The following LRP1B variants were observed in gnomAD, a reference collection of about 807,000 sequenced individuals.
LRP1B encodes LDL receptor related protein 1B, also known as low-density lipoprotein receptor-related protein 1B.
A neutral mutation model predicts 556.6 loss-of-function variants in LRP1B; 217 were observed. The observed-to-expected ratio is 0.39, with a 90% CI of 0.35 to 0.44. LRP1B has a LOEUF of 0.44. LRP1B is among the 20% of genes least tolerant of loss of function. The probability of loss-of-function intolerance (pLI) is 1.00; values close to 1 mark genes in which losing one functional copy is unlikely to be tolerated. For missense variants in LRP1B, 5,053 were observed against 5,620.8 expected, an observed-to-expected ratio of 0.90 and a Z score of 3.23; for synonymous variants, 2,047 against 1,865.8, an observed-to-expected ratio of 1.10 and a Z score of -2.50.
In LRP1B at chr2:140,534,052, G is replaced by A. The variant is rs556561784; in HGVS notation, c.7731C>T (p.Cys2577=). ...HGKLCDGEND[C]GDNSDELDCK... is the part of the protein sequence containing the mutation. ...AATCTAATTCATCAGAGTTGTCTCCGCAGTCATTTTCTCCATCACATAACT... is the reference window on the plus strand; with the variant it reads ...AATCTAATTCATCAGAGTTGTCTCCACAGTCATTTTCTCCATCACATAACT... Residue 2577 remains cysteine (C), a synonymous_variant, in exon 47 of 91, where the codon TGC becomes TGT. Transcript: ENST00000389484. 3.5e-5 allele frequency: 56 copies of A among 1,613,388 alleles called. No individual in the cohort carries two copies. The highest frequency in any genetic ancestry group is 1.6e-4 in the East Asian group (7 of 44,842).
intron 77 of LRP1B, among the ~76,000 whole-genome samples, chr2:140,339,795 A>G (rs1476935127): frequency 2.0e-5 from 3 of 151,632 alleles, no homozygotes; most frequent in Non-Finnish European, 4.4e-5. Context: ...AGAAATCCTA[A>G]GTGAACTAAG....
At chr2:141,287,981 T>C (rs1240285324) in intron 3 of LRP1B, among the ~76,000 whole-genome samples, 1 of 152,172 alleles carries the variant, frequency 6.6e-6, no homozygotes, top group African/African-American at 2.4e-5. Flanking sequence ...TGTGTTTATA[T>C]GTATGTGTGG....
intron 84 of LRP1B, among the ~76,000 whole-genome samples, chr2:140,279,216 T>A (rs540008980): frequency 6.6e-6 from 1 of 152,134 alleles, no homozygotes; most frequent in East Asian, 1.9e-4. Context: ...ATATTTTAGC[T>A]ACGATGCAAT....
chr2:141,007,932 C>A (rs1476163343), intron 14 of LRP1B, among the ~76,000 whole-genome samples: 1 of 151,488 alleles, frequency 6.6e-6, no homozygotes, highest in Non-Finnish European at 1.5e-5. Context: ...TTTGTTCTGT[C>A]ATAATAGAAA....
intron 3 of LRP1B, among the ~76,000 whole-genome samples, chr2:141,353,554 G>A (rs571876504): frequency 8.6e-5 from 13 of 151,884 alleles, no homozygotes; most frequent in South Asian, 2.1e-4. Flanking sequence ...TTGCAAATAC[G>A]TTTTGATCTA....
At chr2:140,337,597 T>A (rs16843799) in intron 77 of LRP1B, among the ~76,000 whole-genome samples, 3 of 151,822 alleles carry the variant, frequency 2.0e-5, no homozygotes, top group African/African-American at 7.2e-5. Flanking sequence ...ATGGGAAAAA[T>A]CACCATTATA....
chr2:141,704,290 G>C (rs1692059706), intron 2 of LRP1B, among the ~76,000 whole-genome samples: 1 of 151,788 alleles, frequency 6.6e-6, no homozygotes, highest in African/African-American at 2.4e-5. Flanking sequence ...ATTCAAAATG[G>C]TATCAGTTAA....
intron 3 of LRP1B, among the ~76,000 whole-genome samples, chr2:141,273,330 C>T (rs940486710): frequency 1.3e-5 from 2 of 150,974 alleles, no homozygotes; most frequent in African/African-American, 4.9e-5. Flanking sequence ...GGAAGAAAAA[C>T]GTACTACAAA....
At chr2:141,033,144 G>A (rs1437399680) in intron 11 of LRP1B, among the ~76,000 whole-genome samples, 3 of 151,888 alleles carry the variant, frequency 2.0e-5, no homozygotes, top group Non-Finnish European at 2.9e-5. Flanking sequence ...AGGCCCTGAG[G>A]TGGCAAGAGG....
chr2:141,405,542 G>A (rs569358176), intron 3 of LRP1B, among the ~76,000 whole-genome samples: 11 of 152,152 alleles, frequency 7.2e-5, no homozygotes, highest in African/African-American at 2.6e-4. Flanking sequence ...TTTGTAGTCT[G>A]GGTACAAATT....
chr2:140,749,695 C>T (rs556338030), intron 35 of LRP1B, among the ~76,000 whole-genome samples: 44 of 152,236 alleles, frequency 2.9e-4, no homozygotes, highest in African/African-American at 1.0e-3. Flanking sequence ...TCTGGAATAC[C>T]TCCTGAAGGA....
At chr2:140,651,014 C>G (rs917709186) in intron 41 of LRP1B, among the ~76,000 whole-genome samples, 2 of 152,016 alleles carry the variant, frequency 1.3e-5, no homozygotes, top group African/African-American at 4.8e-5. Context: ...TCCATATTAA[C>G]AGCTAGTCAT....
At chr2:140,573,547 AAATGATAG>A (rs1293387297) in intron 43 of LRP1B, among the ~76,000 whole-genome samples, 1 of 152,032 alleles carries the variant, frequency 6.6e-6, no homozygotes, top group Non-Finnish European at 1.5e-5. Context: ...ATTTAAGTAA[AAATGATAG>A]AATGCACTGA....
chr2:141,275,545 C>G (rs1482133261), intron 3 of LRP1B, among the ~76,000 whole-genome samples: 1 of 151,798 alleles, frequency 6.6e-6, no homozygotes, highest in African/African-American at 2.4e-5. Flanking sequence ...CCCATCTGTA[C>G]AAAAAAATAC....
intron 2 of LRP1B, among the ~76,000 whole-genome samples, chr2:141,736,210 G>A (rs750538674): frequency 3.3e-5 from 5 of 152,098 alleles, no homozygotes; most frequent in Admixed American, 6.6e-5. Context: ...CTTCATAATG[G>A]CTCTGGATGG....
At chr2:141,229,505 C>T (rs1254340537) in intron 5 of LRP1B, 65 bp from the exon 6 acceptor site, 1 of 1,223,662 alleles carries the variant, frequency 8.2e-7, no homozygotes, top group Non-Finnish European at 1.2e-6. Context: ...CAGTTTTGCC[C>T]TAGTTATTGA....
chr2:142,014,014 A>G (rs1660920685), intron 1 of LRP1B, among the ~76,000 whole-genome samples: 1 of 152,176 alleles, frequency 6.6e-6, no homozygotes. Flanking sequence ...TGATTCTTGC[A>G]ATATATAGTA....
At position 140,233,054 on chromosome 2, in the gene LRP1B, G is replaced by T; in HGVS notation, c.*132C>A. 1 of 563,276 alleles carries T rather than the reference G, an allele frequency of 1.8e-6. No homozygotes were observed. Among genetic ancestry groups the T allele is most frequent in the Non-Finnish European group, 2.8e-6 (1 of 361,788 alleles). The allele number at this position is 563,276 out of a possible 1,614,324, so 34.9% of individuals were successfully genotyped here. A position where few individuals can be genotyped will look rare whatever the true frequency, so the allele number is the denominator to read the frequency against. On this transcript the variant is annotated 3_prime_UTR_variant, in exon 91 of 91. Coordinates refer to ENST00000389484, the MANE Select transcript of LRP1B (RefSeq NM_018557.3). The stretch of plus-strand genomic sequence containing the variant: ...CAAAAAATAAAACCCAAAAAACTCA[G>T]AAAACAATTAACCAGGAAAAAGATA...
intron 2 of LRP1B, among the ~76,000 whole-genome samples, chr2:141,503,638 C>A (rs1413114803): frequency 6.6e-6 from 1 of 152,092 alleles, no homozygotes; most frequent in Non-Finnish European, 1.5e-5. Flanking sequence ...CCCTCTCTCC[C>A]AATTCCTACT....
Sources: allele counts gnomAD v4.1 joint callset (sites outside exome capture counted in the v4.1 genomes callset), GRCh38; gene constraint gnomAD v4.1.1; transcripts MANE v1.5; gene names NCBI Gene and HGNC (gene_info 2026-07-23, HGNC 2026-07-21).